PTPRG: variants seen among roughly 807,000 people sequenced by gnomAD.
PTPRG encodes the protein receptor-type tyrosine-protein phosphatase gamma.
In PTPRG, 102 loss-of-function variants were observed where a neutral mutation model predicts 165.3. That is an observed-to-expected ratio of 0.62 (90% CI 0.53 to 0.73). The LOEUF is 0.73. PTPRG is among the 30% of genes least tolerant of loss of function. PTPRG has a pLI of 0.00. For synonymous variants in PTPRG, 675 were observed against 669.5 expected (o/e 1.01, Z -0.13); for missense variants, 1,866 against 1,861.4 (o/e 1.00, Z -0.05).
chr3:62,100,427 G>A (rs1295543540), intron 5 of PTPRG, among the ~76,000 whole-genome samples: 5 of 152,114 alleles, frequency 3.3e-5, no homozygotes, highest in East Asian at 1.9e-4. Context: ...CCTTGTGGCC[G>A]AATGAAAACC....
intron 4 of PTPRG, among the ~76,000 whole-genome samples, chr3:62,025,537 T>G (rs994620561): frequency 6.6e-6 from 1 of 152,192 alleles, no homozygotes; most frequent in African/African-American, 2.4e-5. Context: ...TCTCAAAGGG[T>G]TCTAAGGTTT....
chr3:62,132,949 T>C (rs1463206975), intron 6 of PTPRG, among the ~76,000 whole-genome samples: 1 of 152,264 alleles, frequency 6.6e-6, no homozygotes, highest in Non-Finnish European at 1.5e-5. Context: ...TCTTATGTGT[T>C]GAACTTGCCA....
At chr3:61,979,856 T>G (rs2040598120) in intron 2 of PTPRG, among the ~76,000 whole-genome samples, 1 of 152,208 alleles carries the variant, frequency 6.6e-6, no homozygotes, top group Non-Finnish European at 1.5e-5. Context: ...TGTGAAGTGT[T>G]TCCTAGTCCC....
intron 1 of PTPRG, among the ~76,000 whole-genome samples, chr3:61,679,630 A>G (rs183049664): frequency 6.6e-6 from 1 of 152,196 alleles, no homozygotes; most frequent in African/African-American, 2.4e-5. Context: ...GAATACAAAA[A>G]ATTAGCTGGG....
intron 1 of PTPRG, among the ~76,000 whole-genome samples, chr3:61,617,820 A>G (rs138709183): frequency 4.6e-5 from 7 of 152,268 alleles, no homozygotes; most frequent in South Asian, 2.1e-4. Flanking sequence ...CCTGCCTTCT[A>G]TATCTTCTTT....
intron 1 of PTPRG, chr3:61,742,855 A>G (rs954353266): frequency 6.4e-7 from 1 of 1,572,396 alleles, no homozygotes; most frequent in African/African-American, 1.3e-5. Flanking sequence ...CTCGATGTCC[A>G]TGTGGGGGAT....
intron 1 of PTPRG, among the ~76,000 whole-genome samples, chr3:61,596,406 T>G (rs2106834799): frequency 6.6e-6 from 1 of 151,874 alleles, no homozygotes; most frequent in Non-Finnish European, 1.5e-5. Context: ...TCACTAGTGG[T>G]TTTCAAAACA....
intron 3 of PTPRG, among the ~76,000 whole-genome samples, chr3:62,001,748 ATTT>A (rs1456368774): frequency 6.6e-6 from 1 of 152,160 alleles, no homozygotes; most frequent in Non-Finnish European, 1.5e-5. Flanking sequence ...CACGTTGAAA[ATTT>A]TGTCAAATTT....
At chr3:61,672,891 G>A (rs1005072708) in intron 1 of PTPRG, among the ~76,000 whole-genome samples, 17 of 151,912 alleles carry the variant, frequency 1.1e-4, no homozygotes, top group African/African-American at 4.1e-4. Context: ...CGGTGTGGGG[G>A]CACAACACCT....
chr3:61,913,465 T>C (rs2038853880), intron 2 of PTPRG, among the ~76,000 whole-genome samples: 1 of 152,128 alleles, frequency 6.6e-6, no homozygotes, highest in Non-Finnish European at 1.5e-5. Flanking sequence ...GTGATCCGCC[T>C]GCCTCAGCAT....
At position 61,616,986 on chromosome 3, in the gene PTPRG, A is replaced by C. The variant is rs935997773; in HGVS notation, c.85+54614A>C. Among the ~76,000 whole-genome samples, 7 of 152,206 alleles carry C rather than the reference A, an allele frequency of 4.6e-5. No individual in the cohort carries two copies. In the East Asian group the frequency reaches 7.7e-4, roughly 17 times the overall value. On this transcript the variant is annotated intron_variant, in intron 1 of 29. Transcript: ENST00000474889. ...GGCATAAAGTAGGTAGACAGAGAAG[A>C]TAGCAAAAGAGGACTGCTGGAGTTT...
intron 2 of PTPRG, among the ~76,000 whole-genome samples, chr3:61,933,266 G>C (rs1480087373): frequency 6.6e-6 from 1 of 152,228 alleles, no homozygotes; most frequent in Non-Finnish European, 1.5e-5. Context: ...ATGATGCTGA[G>C]ATACGATTTT....
chr3:61,918,992 A>G (rs1009404074), intron 2 of PTPRG, among the ~76,000 whole-genome samples: 4 of 152,154 alleles, frequency 2.6e-5, no homozygotes, highest in African/African-American at 7.2e-5. Flanking sequence ...GGGTGGGACT[A>G]GGCAATCTCT....
At chr3:61,986,865 A>C (rs1038009490) in intron 2 of PTPRG, among the ~76,000 whole-genome samples, 1 of 152,188 alleles carries the variant, frequency 6.6e-6, no homozygotes, top group African/African-American at 2.4e-5. Flanking sequence ...CTTCTTGTTA[A>C]GTGTTCATCT....
At chr3:62,095,712 A>G (rs1352302229) in intron 5 of PTPRG, among the ~76,000 whole-genome samples, 1 of 152,158 alleles carries the variant, frequency 6.6e-6, no homozygotes, top group Non-Finnish European at 1.5e-5. Flanking sequence ...GGAAAAAGAC[A>G]TTGATTGCTT....
At chr3:61,941,925 G>A (rs187325213) in intron 2 of PTPRG, among the ~76,000 whole-genome samples, 4 of 151,870 alleles carry the variant, frequency 2.6e-5, no homozygotes, top group East Asian at 1.9e-4. Flanking sequence ...TTGGAAGGTC[G>A]CGGCGGGTGG....
intron 1 of PTPRG, among the ~76,000 whole-genome samples, chr3:61,588,754 G>T (rs1327089662): frequency 1.3e-5 from 2 of 152,046 alleles, no homozygotes. Flanking sequence ...CCCTAGGAGG[G>T]ATAAATATTC....
At chr3:61,885,680 T>TCCACTCCTCCCCTCCCCTCC (rs1559669115) in intron 2 of PTPRG, among the ~76,000 whole-genome samples, 1 of 2,948 alleles carries the variant, frequency 3.4e-4, no homozygotes, top group African/African-American at 1.2e-3. Context: ...TCCTCTCCTC[T>TCCACTCCTCCCCTCCCCTCC]CCTCTCCTCT....
At chr3:61,732,313 C>T (rs968864329) in intron 1 of PTPRG, among the ~76,000 whole-genome samples, 8 of 152,148 alleles carry the variant, frequency 5.3e-5, no homozygotes, top group African/African-American at 1.4e-4. Flanking sequence ...CGCAGTGGCT[C>T]ATGCCTGTAA....
Sources: gnomAD v4.1 joint callset for allele counts (sites outside exome capture counted in the v4.1 genomes callset) on GRCh38, gnomAD v4.1.1 for gene constraint, MANE v1.5 for transcripts, NCBI Gene and HGNC (gene_info 2026-07-23, HGNC 2026-07-21) for gene names.